The following CNTLN variants were observed in gnomAD, a reference collection of about 807,000 sequenced individuals.
CNTLN encodes the protein centlein.
A neutral mutation model predicts 180.0 loss-of-function variants in CNTLN; 212 were observed. The ratio of observed to expected loss-of-function variants is 1.18; its 90% confidence interval spans 1.05 to 1.32. The LOEUF (loss-of-function observed/expected upper bound fraction) is 1.32, where lower values mean the gene tolerates loss of function less well. CNTLN is among the 40% of genes most tolerant of loss of function. The pLI is 0.00. For missense variants in CNTLN, 2,095 were observed against 1,610.9 expected, an observed-to-expected ratio of 1.30 and a Z score of -5.14; for synonymous variants, 722 against 563.1, an observed-to-expected ratio of 1.28 and a Z score of -3.99.
chr9:17,438,869 C>T (rs902960742), intron 18 of CNTLN, among the ~76,000 whole-genome samples: 1 of 152,072 alleles, frequency 6.6e-6, no homozygotes, highest in Non-Finnish European at 1.5e-5. Context: ...CTCCAATATT[C>T]AGAAGTTGGA....
chr9:17,283,552 T>G (rs10810745), intron 6 of CNTLN, among the ~76,000 whole-genome samples: 44,504 of 151,970 alleles, frequency 0.29, 6,589 homozygotes, highest in South Asian at 0.41. Flanking sequence ...ACAGAGACAG[T>G]TTGACTTCCT....
chr9:17,460,109 C>T (rs1222302317), intron 19 of CNTLN, among the ~76,000 whole-genome samples: 1 of 151,514 alleles, frequency 6.6e-6, no homozygotes, highest in African/African-American at 2.4e-5. Flanking sequence ...TTAGACTTTT[C>T]TGTGTAATTT....
At chr9:17,149,717 C>T (rs1401422766) in intron 2 of CNTLN, among the ~76,000 whole-genome samples, 1 of 151,862 alleles carries the variant, frequency 6.6e-6, no homozygotes, top group Non-Finnish European at 1.5e-5. Flanking sequence ...CGGGGTTTCA[C>T]CATGTTAGCC....
chr9:17,290,640 G>C (rs1181315196), intron 6 of CNTLN, among the ~76,000 whole-genome samples: 1 of 148,486 alleles, frequency 6.7e-6, no homozygotes, highest in Non-Finnish European at 1.5e-5. Flanking sequence ...ATCTCAGACT[G>C]CTGTGCTAGC....
chr9:17,527,782 A>G, the CNTLN span, among the ~76,000 whole-genome samples: 1 of 152,074 alleles, frequency 6.6e-6, no homozygotes, highest in Non-Finnish European at 1.5e-5. Context: ...CAGGAAATAT[A>G]CAAGATGAGC....
chr9:17,206,543 G>A (rs1326986137), intron 2 of CNTLN, among the ~76,000 whole-genome samples: 1 of 152,114 alleles, frequency 6.6e-6, no homozygotes, highest in East Asian at 1.9e-4. Flanking sequence ...TTTATTAATT[G>A]TGCTTTTAAT....
chr9:17,340,901 C>T lies in CNTLN; in HGVS notation c.1719C>T (p.Tyr573=), dbSNP rs572841628. 2 of 1,612,048 alleles carry T rather than the reference C, an allele frequency of 1.2e-6. No homozygotes were observed. The highest frequency in any genetic ancestry group is 1.7e-5 in the Admixed American group (1 of 59,794). The change falls in exon 11 of 26, where the codon TAC becomes TAT. Residue 573 remains tyrosine, a synonymous_variant. Coordinates refer to ENST00000380647, the MANE Select transcript of CNTLN (RefSeq NM_017738.4). The stretch of plus-strand genomic sequence containing the variant: ...GGCTACAGATGTTACAGACCAACTA[C>T]AGAGCAGTAAAAGAGCAATTAAAAC... ...KERLQMLQTN[Y]RAVKEQLKQW...
rs373616327 is a variant in CNTLN at position 17,220,435 on chromosome 9, A to T, written c.450-5768A>T. 6.6e-5 allele frequency among the ~76,000 whole-genome samples: 10 copies of T among 152,282 alleles called. No homozygotes were observed. In the South Asian group the frequency reaches 1.2e-3, roughly 19 times the overall value. ...TTTAAAAACATTTAAGTTTAGGGGT[A>T]CATGTGCAGGTTTGTAATGTAGTTA... On this transcript the variant is annotated intron_variant, in intron 2 of 25. Transcript: ENST00000380647.
Position 17,216,775 on chromosome 9 carries a change from T to G in CNTLN, c.450-9428T>G, listed in dbSNP as rs184518114. The stretch of plus-strand genomic sequence containing the variant: ...TTGGGTTACACAGCTGCTATATGGT[T>G]GTACCCTGTCCCATGTGTATTAAGC... On this transcript the variant is annotated intron_variant, in intron 2 of 25. Transcript: ENST00000380647. Among the ~76,000 whole-genome samples, 115 of 152,292 alleles carry G rather than the reference T, an allele frequency of 7.6e-4. 1 individual carries two copies. Among genetic ancestry groups the G allele is most frequent in the Admixed American group, 5.6e-3 (85 of 15,300 alleles).
intron 5 of CNTLN, among the ~76,000 whole-genome samples, chr9:17,269,417 C>G (rs1827773394): frequency 6.6e-6 from 1 of 152,060 alleles, no homozygotes; most frequent in Non-Finnish European, 1.5e-5. Flanking sequence ...TTGCCTCTTA[C>G]CATTCCTTTT....
chr9:17,359,397 T>A (rs1290340265), intron 12 of CNTLN, among the ~76,000 whole-genome samples: 1 of 151,924 alleles, frequency 6.6e-6, no homozygotes, highest in East Asian at 1.9e-4. Context: ...ACCAAGAACT[T>A]AATGTTCATT....
At chr9:17,201,439 A>G (rs1390651683) in intron 2 of CNTLN, among the ~76,000 whole-genome samples, 2 of 152,178 alleles carry the variant, frequency 1.3e-5, no homozygotes, top group Non-Finnish European at 2.9e-5. Context: ...CTCTGGTAGA[A>G]TTCAGCTGTG....
chr9:17,242,950 A>T (rs11531656), intron 5 of CNTLN, among the ~76,000 whole-genome samples: 31,245 of 152,014 alleles, frequency 0.21, 4,080 homozygotes, highest in African/African-American at 0.36. Flanking sequence ...TTTGGTAGAA[A>T]TCAGCGGTGA....
At chr9:17,334,488 A>G (rs1820866894) in intron 10 of CNTLN, among the ~76,000 whole-genome samples, 1 of 152,130 alleles carries the variant, frequency 6.6e-6, no homozygotes, top group East Asian at 1.9e-4. Flanking sequence ...CTTATAGTAA[A>G]TTAGATTTAT....
At chr9:17,349,469 A>C (rs1410635365) in intron 12 of CNTLN, among the ~76,000 whole-genome samples, 1 of 152,176 alleles carries the variant, frequency 6.6e-6, no homozygotes, top group African/African-American at 2.4e-5. Context: ...TAGTACTTCC[A>C]AATCGAATTT....
chr9:17,193,739 G>A (rs113049497), intron 2 of CNTLN, among the ~76,000 whole-genome samples: 1 of 152,154 alleles, frequency 6.6e-6, no homozygotes, highest in South Asian at 2.1e-4. Flanking sequence ...TCTTCTCACA[G>A]TTCCACTAGG....
chr9:17,465,956 A>G, intron 21 of CNTLN, 25 bp from the exon 22 acceptor site: 1 of 1,574,674 alleles, frequency 6.4e-7, no homozygotes, highest in Non-Finnish European at 8.7e-7. Context: ...CAACAATAAT[A>G]ATTACCTTTA....
At position 17,182,402 on chromosome 9, in the gene CNTLN, C is replaced by T. The variant is rs370735175; in HGVS notation, c.449+39026C>T. ...TTATTGCTGTTTAATAACAAGGTCC[C>T]AAGGTCTCTAGTCAATCTGCCTTTT... On this transcript the variant is annotated intron_variant, in intron 2 of 25. Transcript: ENST00000380647. Among the ~76,000 whole-genome samples, 68 of 152,130 alleles carry T rather than the reference C, an allele frequency of 4.5e-4. 1 individual carries two copies. The highest frequency in any genetic ancestry group is 1.5e-3 in the African/African-American group (64 of 41,484).
At chr9:17,495,100 C>T (rs1212592259) in intron 25 of CNTLN, 1 of 352,972 alleles carries the variant, frequency 2.8e-6, no homozygotes, top group South Asian at 2.1e-5. Context: ...GGCTGGTCTC[C>T]AACTCCTGAG....
Sources: allele counts gnomAD v4.1 joint callset (sites outside exome capture counted in the v4.1 genomes callset), GRCh38; gene constraint gnomAD v4.1.1; transcripts MANE v1.5; gene names NCBI Gene and HGNC (gene_info 2026-07-23, HGNC 2026-07-21).